The following ETV6 variants were observed in gnomAD, a reference collection of about 807,000 sequenced individuals.
ETV6 encodes transcription factor ETV6.
Under a neutral mutation model 51.1 loss-of-function variants are expected in ETV6, and 16 were observed. The observed-to-expected ratio is 0.31, with a 90% confidence interval of 0.21 to 0.48. The LOEUF (loss-of-function observed/expected upper bound fraction) is 0.48, where lower values mean the gene tolerates loss of function less well. Ranked by LOEUF, ETV6 falls within the 20% of genes least tolerant of loss-of-function variation. The pLI, the probability that ETV6 is intolerant of heterozygous loss-of-function variation, is 0.99. For synonymous variants in ETV6, 240 were observed against 224.1 expected (o/e 1.07, Z -0.64); for missense variants, 458 against 594.8 (o/e 0.77, Z 2.39).
chr12:11,716,330 CAAAAAAAA>C lies in ETV6; in HGVS notation c.34-36097_34-36090del, dbSNP rs3049068. Reference sequence around the variant, plus strand: ...TGGGCGACAGAGCAAGACTCCTTCTCAAAAAAAAAAAAAAAAAAAAAAAAAAAAAAGAT... The same window carrying C: ...TGGGCGACAGAGCAAGACTCCTTCTCAAAAAAAAAAAAAAAAAAAAAAGAT... On this transcript the variant is annotated intron_variant, in intron 1 of 7. Coordinates refer to ENST00000396373, the MANE Select transcript of ETV6 (RefSeq NM_001987.5). Among the ~76,000 whole-genome samples the C allele has an allele frequency of 7.2e-3, 420 of 58,142 alleles. 3 individuals carry two copies. The highest frequency in any genetic ancestry group is 0.024 in the African/African-American group (387 of 16,024). 38.1% of individuals were successfully genotyped at this position (58,142 alleles called of 152,430 possible).
chr12:11,688,923 G>GT (rs1313644630), intron 1 of ETV6, among the ~76,000 whole-genome samples: 4 of 152,166 alleles, frequency 2.6e-5, no homozygotes, highest in Admixed American at 6.5e-5. Flanking sequence ...AAAATAAAGT[G>GT]TAAGTGGTGG....
At chr12:11,662,459 C>T (rs74828346) in intron 1 of ETV6, among the ~76,000 whole-genome samples, 3,364 of 152,264 alleles carry the variant, frequency 0.022, 131 homozygotes, top group African/African-American at 0.076. Context: ...GGAGCTTCTC[C>T]GAACTAGGGG....
chr12:11,694,565 C>T (rs1004528628), intron 1 of ETV6, among the ~76,000 whole-genome samples: 1 of 152,244 alleles, frequency 6.6e-6, no homozygotes, highest in Non-Finnish European at 1.5e-5. Context: ...GGGCACCACT[C>T]TGCCTAAACA....
intron 1 of ETV6, among the ~76,000 whole-genome samples, chr12:11,682,480 A>G (rs879669067): frequency 5.3e-5 from 8 of 152,102 alleles, no homozygotes; most frequent in Non-Finnish European, 8.8e-5. Flanking sequence ...TGTCAGATGG[A>G]TAGATTGCAA....
At chr12:11,739,171 CAG>C (rs1158651054) in intron 1 of ETV6, among the ~76,000 whole-genome samples, 2 of 152,140 alleles carry the variant, frequency 1.3e-5, no homozygotes, top group African/African-American at 4.8e-5. Context: ...TCTCTGAGGA[CAG>C]AGGGCAGGAA....
intron 1 of ETV6, among the ~76,000 whole-genome samples, chr12:11,677,061 G>A (rs1487163080): frequency 6.6e-6 from 1 of 152,238 alleles, no homozygotes; most frequent in East Asian, 1.9e-4. Flanking sequence ...ATAACCTGCA[G>A]TGGTTTGGTT....
intron 1 of ETV6, among the ~76,000 whole-genome samples, chr12:11,665,654 T>C (rs550428472): frequency 9.2e-5 from 14 of 152,346 alleles, no homozygotes; most frequent in Middle Eastern, 3.4e-3. Flanking sequence ...CCAGGCTCTT[T>C]GATATGTAAG....
At chr12:11,669,396 T>TCCCG (rs1445395104) in intron 1 of ETV6, among the ~76,000 whole-genome samples, 6 of 120,078 alleles carry the variant, frequency 5.0e-5, no homozygotes, top group Non-Finnish European at 1.0e-4. Context: ...CCTCCCTCCT[T>TCCCG]TCCTCCTTTC....
rs537413215 is a variant in ETV6, at chr12:11,813,045, G to A, written c.164-26095G>A. Among the ~76,000 whole-genome samples, 12 of 152,336 alleles carry A rather than the reference G, an allele frequency of 7.9e-5. No individual in the cohort carries two copies. In the South Asian group the frequency reaches 2.1e-3, roughly 26 times the overall value. On this transcript the variant is annotated intron_variant, in intron 2 of 7. Coordinates refer to ENST00000396373, the MANE Select transcript of ETV6 (RefSeq NM_001987.5). ...GCTCCTGGTTGTGAGCCTTCAGTTCGCCGGGATGTCTATGCTGTGCTGTGT... is the reference window on the plus strand; with the variant it reads ...GCTCCTGGTTGTGAGCCTTCAGTTCACCGGGATGTCTATGCTGTGCTGTGT...
At chr12:11,727,238 T>C (rs1026491266) in intron 1 of ETV6, among the ~76,000 whole-genome samples, 1 of 152,172 alleles carries the variant, frequency 6.6e-6, no homozygotes, top group Non-Finnish European at 1.5e-5. Flanking sequence ...TTTGTCTGAC[T>C]CCCAGAAGAG....
intron 1 of ETV6, among the ~76,000 whole-genome samples, chr12:11,654,298 A>G (rs1863959962): frequency 6.6e-6 from 1 of 152,192 alleles, no homozygotes; most frequent in South Asian, 2.1e-4. Flanking sequence ...TCAAACATTC[A>G]GAGTTGAGAG....
chr12:11,869,442 C>G lies in ETV6; in HGVS notation c.482C>G (p.Thr161Ser). The change falls in exon 5 of 8, where the codon ACC becomes AGC. Residue 161 changes from threonine (T) to serine (S), a missense_variant. By Grantham distance (58) the Thr-to-Ser change is moderately conservative (BLOSUM62 1). This residue lies in a region of ETV6 where 293 missense variants were observed against 315.7 expected (regional missense o/e 0.93). Transcript: ENST00000396373. This position sits in a 1 kb window ranked among gnomAD's most constrained non-coding sequence, Gnocchi z 5.0. ...NHEEDNCVQR[T>S]PRPSVDNVHH... is the part of the protein sequence containing the mutation. ...TCCACAGATAACTGTGTCCAGAGGA[C>G]CCCCAGGCCATCCGTGGATAATGTG... The G allele has an allele frequency of 4.3e-6, 7 of 1,611,098 alleles. No individual in the cohort carries two copies. Among genetic ancestry groups the G allele is most frequent in the Non-Finnish European group, 5.9e-6 (7 of 1,178,408 alleles).
chr12:11,751,525 C>G (rs981353346), intron 1 of ETV6: 2 of 502,792 alleles, frequency 4.0e-6, no homozygotes, highest in Admixed American at 2.0e-5. Flanking sequence ...GCTGTTTTGC[C>G]GAACCCAACA....
At chr12:11,683,292 C>A (rs1221722304) in intron 1 of ETV6, among the ~76,000 whole-genome samples, 1 of 152,186 alleles carries the variant, frequency 6.6e-6, no homozygotes, top group Non-Finnish European at 1.5e-5. Flanking sequence ...GATCCGCCAG[C>A]CTTGGCCTTT....
intron 5 of ETV6, among the ~76,000 whole-genome samples, chr12:11,881,232 C>G (rs1328100952): frequency 6.6e-6 from 1 of 152,192 alleles, no homozygotes; most frequent in Non-Finnish European, 1.5e-5. Context: ...TTATAAGCCA[C>G]CACACCCAAC....
chr12:11,669,847 C>G (rs1864278936), intron 1 of ETV6, among the ~76,000 whole-genome samples: 1 of 152,154 alleles, frequency 6.6e-6, no homozygotes, highest in Non-Finnish European at 1.5e-5. Flanking sequence ...AATGTCTGGC[C>G]TGTAAACCTT....
At chr12:11,772,408 T>C (rs1945254806) in intron 2 of ETV6, among the ~76,000 whole-genome samples, 1 of 152,212 alleles carries the variant, frequency 6.6e-6, no homozygotes, top group Non-Finnish European at 1.5e-5. Context: ...ATAGTAAAGA[T>C]GGTTTTCAGT....
intron 2 of ETV6, among the ~76,000 whole-genome samples, chr12:11,774,866 C>G (rs1945296332): frequency 6.6e-6 from 1 of 152,164 alleles, no homozygotes. Flanking sequence ...TTAGATGTCC[C>G]CCAGGAATTC....
intron 2 of ETV6, among the ~76,000 whole-genome samples, chr12:11,817,847 G>A (rs137925950): frequency 5.9e-5 from 9 of 152,254 alleles, no homozygotes; most frequent in East Asian, 1.9e-4. Context: ...TTAACACGGC[G>A]TCCTAGAAAT....
Sources: gnomAD v4.1 joint callset for allele counts (sites outside exome capture counted in the v4.1 genomes callset) on GRCh38, gnomAD v4.1.1 for gene constraint, gnomAD v4.1.1 regional missense constraint, Gnocchi (gnomAD v3.1) non-coding constraint, MANE v1.5 for transcripts, NCBI Gene and HGNC (gene_info 2026-07-23, HGNC 2026-07-21) for gene names.